CES3: variants seen among roughly 807,000 people sequenced by gnomAD.
CES3 encodes the protein carboxylesterase 3, also known as carboxylesterase 3 (brain).
In CES3, 49 loss-of-function variants were observed where a neutral mutation model predicts 57.6. That is an observed-to-expected ratio of 0.85 (90% confidence interval 0.68 to 1.08). The LOEUF (loss-of-function observed/expected upper bound fraction) is 1.08, where lower values mean the gene tolerates loss of function less well. CES3 is among the 50% of genes least tolerant of loss of function. CES3 has a pLI of 0.00. For missense variants in CES3, 645 were observed against 742.0 expected, an observed-to-expected ratio of 0.87 and a Z score of 1.52; for synonymous variants, 266 against 281.6, an observed-to-expected ratio of 0.94 and a Z score of 0.55.
chr16:66,971,233 C>T lies in CES3; in HGVS notation c.1205C>T (p.Ala402Val). 2 of 1,614,122 alleles carry T rather than the reference C, an allele frequency of 1.2e-6. No homozygotes were observed. The highest frequency in any genetic ancestry group is 1.7e-6 in the Non-Finnish European group (2 of 1,180,000). ...IDEYLGSNSDAQAKCQAFQEF... is the reference protein window; with the variant it reads ...IDEYLGSNSDVQAKCQAFQEF... ...GAATACCTAGGAAGCAACTCGGACG[C>T]ACAAGCCAAATGCCAGGCGTTCCAG... is the stretch of plus-strand genomic sequence containing the variant. The change falls in exon 10 of 13, where the codon GCA becomes GTA. Residue 402 changes from alanine (A) to valine (V), a missense_variant. Physicochemically the swap from Ala to Val is moderately conservative, Grantham distance 64. Coordinates refer to ENST00000303334, the MANE Select transcript of CES3 (RefSeq NM_024922.6).
At chr16:66,967,830 T>C in intron 8 of CES3, 1 of 903,130 alleles carries the variant, frequency 1.1e-6, no homozygotes, top group Non-Finnish European at 1.3e-6. Context: ...AGCGCCATCA[T>C]GACTCTCTAC....
Position 66,963,480 on chromosome 16 carries a change from C to G in CES3, c.288-11C>G. ...TGAACAGCTGGACCTCAGGCCCACC[C>G]TTGGCCACAGGTGCCTACAAGACGT... On this transcript the variant is annotated splice_polypyrimidine_tract_variant and intron_variant, in intron 2 of 12. Coordinates refer to ENST00000303334, the MANE Select transcript of CES3 (RefSeq NM_024922.6). This position sits in a 1 kb window ranked among gnomAD's most constrained non-coding sequence, Gnocchi z 4.9. 1 of 1,610,444 alleles carries G rather than the reference C, an allele frequency of 6.2e-7. No homozygotes were observed. The highest frequency in any genetic ancestry group is 8.5e-7 in the Non-Finnish European group (1 of 1,177,002).
intron 1 of CES3, among the ~76,000 whole-genome samples, chr16:66,962,081 G>A (rs540121598): frequency 2.6e-5 from 4 of 152,194 alleles, no homozygotes; most frequent in African/African-American, 4.8e-5. Flanking sequence ...CCTTTGACAC[G>A]GTTGCCACGG....
At chr16:66,969,584 TG>T in intron 8 of CES3, 94 bp from the exon 9 acceptor site, 1 of 1,221,164 alleles carries the variant, frequency 8.2e-7, no homozygotes, top group Non-Finnish European at 1.2e-6. Flanking sequence ...GATGAGTTTC[TG>T]GCCTCAGGAC....
intron 8 of CES3, 78 bp downstream of exon 8, chr16:66,966,943 C>T: frequency 6.5e-7 from 1 of 1,536,486 alleles, no homozygotes; most frequent in South Asian, 1.1e-5. Flanking sequence ...ACACTACAGC[C>T]TTGTGAACGG....
At chr16:66,972,543 C>T (rs1466068560) in intron 11 of CES3, 38 bp downstream of exon 11, 1 of 1,605,186 alleles carries the variant, frequency 6.2e-7, no homozygotes, top group Non-Finnish European at 8.5e-7. Flanking sequence ...CCCTAGGCTG[C>T]CAGACTCCAA....
rs758144938 is a variant in CES3 at position 66,966,780 on chromosome 16, A to C, written c.977A>C (p.Lys326Thr). 1.2e-6 allele frequency: 2 copies of C among 1,614,066 alleles called. No individual in the cohort carries two copies. The highest frequency in any genetic ancestry group is 1.7e-5 in the Admixed American group (1 of 60,010). The change falls in exon 8 of 13, where the codon AAG (lysine) becomes ACG (threonine). Residue 326 changes from lysine (K) to threonine (T), a missense_variant. Physicochemically the swap from Lys to Thr is moderately conservative, Grantham distance 78 (BLOSUM62 -1). Coordinates refer to ENST00000303334, the MANE Select transcript of CES3 (RefSeq NM_024922.6). ...GGCACTGTCTTCCCCAAAAGCCCCA[A>C]GGAACTCCTGAAGGAGAAGCCCTTC... ...VDGTVFPKSPKELLKEKPFHS... is the reference protein window; with the variant it reads ...VDGTVFPKSPTELLKEKPFHS...
intron 1 of CES3, among the ~76,000 whole-genome samples, chr16:66,961,627 G>C (rs543123772): frequency 1.3e-5 from 2 of 152,178 alleles, no homozygotes; most frequent in South Asian, 4.1e-4. Context: ...GCAATGGCGC[G>C]ATCTCGGCTC....
rs1333614459 is a variant in CES3 at position 66,969,733 on chromosome 16, A to C, written c.1117A>C (p.Ile373Leu). The C allele has an allele frequency of 1.9e-6, 3 of 1,613,194 alleles. No homozygotes were observed. Among genetic ancestry groups the C allele is most frequent in the Non-Finnish European group, 2.5e-6 (3 of 1,179,706 alleles). Reference protein sequence around the residue: ...EQMSREDMLAISTPVLTSLDV... With the variant: ...EQMSREDMLALSTPVLTSLDV... ...GATGAGCCGGGAGGACATGCTGGCCATCTCAACACCCGTCTTGACCAGTCT... is the reference window on the plus strand; with the variant it reads ...GATGAGCCGGGAGGACATGCTGGCCCTCTCAACACCCGTCTTGACCAGTCT... The change falls in exon 9 of 13, where the codon ATC becomes CTC. Residue 373 changes from isoleucine to leucine, a missense_variant. Transcript: ENST00000303334.
In CES3 at chr16:66,973,913, C is replaced by T. The variant is rs1251585586; in HGVS notation, c.*864C>T. ...AGCCCCAGTGCCGGGTCCTCCCTCC[C>T]TTCCTGGCTTGGGGAGACCAGTTTC... On this transcript the variant is annotated 3_prime_UTR_variant, in exon 13 of 13. Coordinates refer to ENST00000303334, the MANE Select transcript of CES3 (RefSeq NM_024922.6). 1 of 152,492 alleles carries T rather than the reference C, an allele frequency of 6.6e-6. No homozygotes were observed. The highest frequency in any genetic ancestry group is 1.5e-5 in the Non-Finnish European group (1 of 68,292). The allele number at this position is 152,492 out of a possible 1,614,324, so 9.4% of individuals were successfully genotyped here. A position where few individuals can be genotyped will look rare whatever the true frequency, so the allele number is the denominator to read the frequency against.
In CES3 at chr16:66,963,108, G is replaced by A. The variant is rs1342001606; in HGVS notation, c.83-71G>A. On this transcript the variant is annotated intron_variant, in intron 1 of 12. Coordinates refer to ENST00000303334, the MANE Select transcript of CES3 (RefSeq NM_024922.6). The surrounding 1 kb of genome is among the most constrained non-coding windows in gnomAD (Gnocchi z 4.9). ...TGGTAAGTACTGAGAACAGCCTGAGGGTTTGTCTTTCACTCCTTCCCCTCA... is the reference window on the plus strand; with the variant it reads ...TGGTAAGTACTGAGAACAGCCTGAGAGTTTGTCTTTCACTCCTTCCCCTCA... The A allele has an allele frequency of 6.7e-7, 1 of 1,495,114 alleles. No homozygotes were observed. Among genetic ancestry groups the A allele is most frequent in the Non-Finnish European group, 9.3e-7 (1 of 1,072,982 alleles). The allele number at this position is 1,495,114 out of a possible 1,614,324, so 92.6% of individuals were successfully genotyped here.
In CES3 at chr16:66,965,392, A is replaced by C. The variant is rs1963715125; in HGVS notation, c.819+665A>C. ...GACCAGGGCAGAGTCCAGGAGAAAG[A>C]GACAGGATGGAATAGGGATAGAGCC... On this transcript the variant is annotated intron_variant, in intron 6 of 12. Transcript: ENST00000303334. 3.3e-5 allele frequency among the ~76,000 whole-genome samples: 5 copies of C among 152,142 alleles called. No individual in the cohort carries two copies. The South Asian group carries it at 8.3e-4, about 25-fold the overall frequency.
chr16:66,971,738 AC>A (rs1342427036), intron 10 of CES3, among the ~76,000 whole-genome samples: 5 of 152,030 alleles, frequency 3.3e-5, no homozygotes, highest in Non-Finnish European at 7.4e-5. Context: ...CAAGATACCT[AC>A]CCCCTCTGAG....
chr16:66,962,966 C>A (rs878958879), intron 1 of CES3: 3 of 680,074 alleles, frequency 4.4e-6, no homozygotes, highest in Admixed American at 2.0e-5. Flanking sequence ...TAGTGGCAGG[C>A]CCGGTCTGGC....
At chr16:66,967,075 T>TTTTG (rs200230047) in intron 8 of CES3, among the ~76,000 whole-genome samples, 25 of 151,656 alleles carry the variant, frequency 1.6e-4, no homozygotes, top group Admixed American at 9.2e-4. Flanking sequence ...TTTTTTCTGT[T>TTTTG]TTTGTTTGTT....
In CES3 at chr16:66,973,807, C is replaced by T. The variant is rs578165748; in HGVS notation, c.*758C>T. 2.0e-5 allele frequency: 3 copies of T among 152,326 alleles called. No homozygotes were observed. The highest frequency in any genetic ancestry group is 4.4e-5 in the Non-Finnish European group (3 of 68,166). 9.4% of individuals were successfully genotyped at this position (152,326 alleles called of 1,614,324 possible). A position where few individuals can be genotyped will look rare whatever the true frequency, so the allele number is the denominator to read the frequency against. On this transcript the variant is annotated 3_prime_UTR_variant, in exon 13 of 13. Transcript: ENST00000303334. ...TGGCCCCTGCACAAGACAACAGAAT[C>T]CATCAGGGCCATGAGTGTCACCCAG...
intron 10 of CES3, among the ~76,000 whole-genome samples, chr16:66,971,572 C>A (rs946045291): frequency 6.6e-6 from 1 of 152,194 alleles, no homozygotes; most frequent in African/African-American, 2.4e-5. Context: ...GGTCACCCAG[C>A]AGGGCCTATC....
chr16:66,970,852 T>G (rs1407690325), intron 9 of CES3, among the ~76,000 whole-genome samples: 3 of 152,240 alleles, frequency 2.0e-5, no homozygotes, highest in African/African-American at 7.2e-5. Context: ...TACTTCCCAG[T>G]TAACTTCAAC....
intron 10 of CES3, among the ~76,000 whole-genome samples, chr16:66,971,778 A>T (rs1026648979): frequency 2.0e-5 from 3 of 152,178 alleles, no homozygotes; most frequent in African/African-American, 7.2e-5. Context: ...TAAAATGGAA[A>T]TAATAATAGA....
Sources: gnomAD v4.1 joint callset for allele counts (sites outside exome capture counted in the v4.1 genomes callset) on GRCh38, gnomAD v4.1.1 for gene constraint, Gnocchi (gnomAD v3.1) non-coding constraint, MANE v1.5 for transcripts, NCBI Gene and HGNC (gene_info 2026-07-23, HGNC 2026-07-21) for gene names.